The following ZNRF3 variants were observed in gnomAD, a reference collection of about 807,000 sequenced individuals.
ZNRF3 encodes the protein zinc and ring finger 3.
ZNRF3 carries 23 observed loss-of-function variants against 72.5 expected under a neutral mutation model. That is an observed-to-expected ratio of 0.32 (90% CI 0.23 to 0.45). The LOEUF (loss-of-function observed/expected upper bound fraction) is 0.45. Among genes scored for constraint, ZNRF3 ranks in the 20% least tolerant of loss-of-function variants. The pLI is 1.00. For missense variants in ZNRF3, 1,169 were observed against 1,272.1 expected (o/e 0.92, Z 1.23); for synonymous variants, 610 against 545.3 (o/e 1.12, Z -1.65).
chr22:29,010,661 G>GT (rs145744614), intron 2 of ZNRF3, among the ~76,000 whole-genome samples: 9,946 of 152,120 alleles, frequency 0.065, 714 homozygotes, highest in African/African-American at 0.18. Context: ...ATACACAAAA[G>GT]TTTTTTCTCA....
chr22:28,885,343 T>G (rs560777142), intron 1 of ZNRF3, among the ~76,000 whole-genome samples: 1 of 152,282 alleles, frequency 6.6e-6, no homozygotes, highest in South Asian at 2.1e-4. Context: ...TACCGGGCTC[T>G]TATCCCCATC....
intron 2 of ZNRF3, among the ~76,000 whole-genome samples, chr22:29,024,282 C>CTTTTTTTTT (rs1188597407): frequency 6.5e-5 from 5 of 77,364 alleles, no homozygotes; most frequent in African/African-American, 8.4e-5. Context: ...AAGGCATTAA[C>CTTTTTTTTT]TGTTTTTTTT....
intron 1 of ZNRF3, among the ~76,000 whole-genome samples, chr22:28,907,950 G>C (rs1433596038): frequency 6.6e-6 from 1 of 152,230 alleles, no homozygotes; most frequent in Non-Finnish European, 1.5e-5. Flanking sequence ...CAAGCTTTCA[G>C]AGGGAAGTGG....
chr22:28,918,569 TGTGTGTGTGTGTA>T (rs1377964623), intron 1 of ZNRF3, among the ~76,000 whole-genome samples: 1 of 133,314 alleles, frequency 7.5e-6, no homozygotes, highest in East Asian at 2.8e-4. Context: ...TGTGTGTGTG[TGTGTGTGTGTGTA>T]AAGTCTCCTC....
chr22:28,956,743 G>A (rs1336726656), intron 1 of ZNRF3, among the ~76,000 whole-genome samples: 1 of 152,180 alleles, frequency 6.6e-6, no homozygotes, highest in African/African-American at 2.4e-5. Context: ...AGGCATTTCT[G>A]CTTCTTGAGA....
intron 1 of ZNRF3, among the ~76,000 whole-genome samples, chr22:28,967,666 C>T (rs1436283143): frequency 6.6e-6 from 1 of 152,036 alleles, no homozygotes; most frequent in Non-Finnish European, 1.5e-5. Context: ...GTGGCTGATG[C>T]TTGTAATCCC....
At chr22:28,938,070 A>C (rs933809332) in intron 1 of ZNRF3, among the ~76,000 whole-genome samples, 1 of 152,128 alleles carries the variant, frequency 6.6e-6, no homozygotes, top group East Asian at 1.9e-4. Flanking sequence ...AAATACATGA[A>C]TGTATTTTCA....
At chr22:28,926,876 C>T (rs1264177723) in intron 1 of ZNRF3, among the ~76,000 whole-genome samples, 1 of 150,944 alleles carries the variant, frequency 6.6e-6, no homozygotes. Context: ...AATTCCAATA[C>T]TTTGGGAGGC....
chr22:29,044,934 C>A, intron 5 of ZNRF3, 44 bp downstream of exon 5: 1 of 1,396,192 alleles, frequency 7.2e-7, no homozygotes, highest in Non-Finnish European at 1.0e-6. Context: ...CCCCTCTTGC[C>A]GTGACACTGG....
Position 29,008,943 on chromosome 22 carries a change from A to G in ZNRF3, c.426+21742A>G, listed in dbSNP as rs1396576257. Among the ~76,000 whole-genome samples the G allele has an allele frequency of 2.6e-5, 4 of 152,206 alleles. No homozygotes were observed. The East Asian group carries it at 7.7e-4, about 29-fold the overall frequency. ...TGTAATTTAAGGTGTGGACATGTCC[A>G]GGATGTTAAATTTAGCTTGTGTCTC... On this transcript the variant is annotated intron_variant, in intron 2 of 8. Transcript: ENST00000544604.
At chr22:29,001,661 C>T (rs1036620265) in intron 2 of ZNRF3, among the ~76,000 whole-genome samples, 14 of 151,854 alleles carry the variant, frequency 9.2e-5, no homozygotes, top group African/African-American at 3.4e-4. Context: ...TCAGTAGAGG[C>T]GGGGTTTCGC....
At chr22:28,981,477 A>G (rs2123822930) in intron 1 of ZNRF3, among the ~76,000 whole-genome samples, 1 of 152,320 alleles carries the variant, frequency 6.6e-6, no homozygotes, top group African/African-American at 2.4e-5. Flanking sequence ...GGTGTGTGTC[A>G]CTATGCCTGG....
chr22:29,039,512 G>T (rs2123878896), intron 2 of ZNRF3, among the ~76,000 whole-genome samples: 1 of 152,106 alleles, frequency 6.6e-6, no homozygotes, highest in East Asian at 1.9e-4. Flanking sequence ...TTTCCTCAGG[G>T]CCCTTCTATG....
intron 1 of ZNRF3, among the ~76,000 whole-genome samples, chr22:28,969,571 C>T (rs1237221378): frequency 6.6e-6 from 1 of 151,956 alleles, no homozygotes; most frequent in Non-Finnish European, 1.5e-5. Context: ...AGCAGGGAGG[C>T]CAGTGTGGCT....
chr22:28,928,081 A>C (rs1005158297), intron 1 of ZNRF3, among the ~76,000 whole-genome samples: 34 of 152,336 alleles, frequency 2.2e-4, no homozygotes, highest in African/African-American at 7.0e-4. Flanking sequence ...GGTACAGTTT[A>C]GAGCCAGTGG....
intron 2 of ZNRF3, among the ~76,000 whole-genome samples, chr22:28,998,296 CA>C (rs568671775): frequency 0.015 from 2,143 of 141,668 alleles, 50 homozygotes; most frequent in African/African-American, 0.047. Flanking sequence ...GAGACTCCGT[CA>C]AAAAAAAAAA....
intron 3 of ZNRF3, 94 bp downstream of exon 3, chr22:29,042,663 T>G: frequency 9.0e-7 from 1 of 1,106,616 alleles, no homozygotes; most frequent in Non-Finnish European, 1.3e-6. Flanking sequence ...CACCCTCATC[T>G]CAGAGCATTT....
rs1401250815 is a variant in ZNRF3 at position 28,883,625 on chromosome 22, G to A, written c.-142G>A. 4 of 833,990 alleles carry A rather than the reference G, an allele frequency of 4.8e-6. No homozygotes were observed. Among genetic ancestry groups the A allele is most frequent in the East Asian group, 2.5e-4 (2 of 8,082 alleles). The allele number at this position is 833,990 out of a possible 1,614,324, so 51.7% of individuals were successfully genotyped here. On this transcript the variant is annotated 5_prime_UTR_variant, in exon 1 of 9. Coordinates refer to ENST00000544604, the MANE Select transcript of ZNRF3 (RefSeq NM_001206998.2). This position sits in a 1 kb window ranked among gnomAD's most constrained non-coding sequence, Gnocchi z 5.5. The stretch of plus-strand genomic sequence containing the variant: ...GGGCCGCGGCGCGACGGCCGGGGGA[G>A]CCGAGCTGAGCCTGCGACCCACAAA...
chr22:28,975,424 C>T (rs937870991), intron 1 of ZNRF3, among the ~76,000 whole-genome samples: 1 of 149,776 alleles, frequency 6.7e-6, no homozygotes, highest in Non-Finnish European at 1.5e-5. Context: ...ATCACTTGAA[C>T]CAGGGAGGTG....
Sources: gnomAD v4.1 joint callset for allele counts (sites outside exome capture counted in the v4.1 genomes callset) on GRCh38, gnomAD v4.1.1 for gene constraint, Gnocchi (gnomAD v3.1) non-coding constraint, MANE v1.5 for transcripts, NCBI Gene and HGNC (gene_info 2026-07-23, HGNC 2026-07-21) for gene names.